Variants in EFEMP1 observed in about 807,000 individuals in gnomAD.
EFEMP1 encodes the protein EGF-containing fibulin-like extracellular matrix protein 1.
In EFEMP1, 18 loss-of-function variants were observed where a neutral mutation model predicts 65.7. The observed-to-expected ratio is 0.27, with a 90% CI of 0.19 to 0.41. The LOEUF (loss-of-function observed/expected upper bound fraction) is 0.41. EFEMP1 is among the 10% of genes least tolerant of loss of function. EFEMP1 has a pLI of 1.00. For missense variants in EFEMP1, 469 were observed against 624.8 expected, an observed-to-expected ratio of 0.75 and a Z score of 2.66; for synonymous variants, 237 against 219.7, an observed-to-expected ratio of 1.08 and a Z score of -0.70.
intron 5 of EFEMP1, among the ~76,000 whole-genome samples, chr2:55,898,651 G>A (rs1669922508): frequency 6.6e-6 from 1 of 152,042 alleles, no homozygotes; most frequent in African/African-American, 2.4e-5. Flanking sequence ...TCCTACACCT[G>A]TCTGGAGATA....
chr2:55,882,161 T>C (rs1669265943), intron 5 of EFEMP1, among the ~76,000 whole-genome samples: 1 of 152,224 alleles, frequency 6.6e-6, no homozygotes. Flanking sequence ...TTTTAATAGA[T>C]TGTATGATAC....
chr2:55,907,752 C>T (rs1670335337), intron 5 of EFEMP1, among the ~76,000 whole-genome samples: 1 of 152,126 alleles, frequency 6.6e-6, no homozygotes, highest in Non-Finnish European at 1.5e-5. Flanking sequence ...AGTTGTTTCC[C>T]ACTTTGGATT....
chr2:55,905,675 C>T (rs913728215), intron 5 of EFEMP1, among the ~76,000 whole-genome samples: 1 of 152,120 alleles, frequency 6.6e-6, no homozygotes, highest in Non-Finnish European at 1.5e-5. Context: ...TCTGGAACTC[C>T]CGACCTCAGG....
chr2:55,898,231 A>C (rs1167984487), intron 5 of EFEMP1, among the ~76,000 whole-genome samples: 1 of 152,136 alleles, frequency 6.6e-6, no homozygotes, highest in Admixed American at 6.5e-5. Flanking sequence ...CATCTTGTTA[A>C]TTTGTAATTG....
intron 5 of EFEMP1, among the ~76,000 whole-genome samples, chr2:55,905,934 C>T (rs1558482077): frequency 1.3e-5 from 2 of 152,166 alleles, no homozygotes. Context: ...CATGCTTACA[C>T]AATCCATTTT....
rs979309877 is a variant in EFEMP1 at position 55,883,646 on chromosome 2, T to G, written c.518-1912A>C. ...TCAGCAGTGACTGAGGCTTTTCTTT[T>G]TGACATCTATCTGCAAACTGCCTCC... is the stretch of plus-strand genomic sequence containing the variant. On this transcript the variant is annotated intron_variant, in intron 5 of 11. Transcript: ENST00000355426. The surrounding 1 kb of genome is among the most constrained non-coding windows in gnomAD (Gnocchi z 4.5). Among the ~76,000 whole-genome samples, 2 of 152,190 alleles carry G rather than the reference T, an allele frequency of 1.3e-5. No homozygotes were observed. Among genetic ancestry groups the G allele is most frequent in the Non-Finnish European group, 2.9e-5 (2 of 68,034 alleles).
At chr2:55,906,612 T>C (rs1327393354) in intron 5 of EFEMP1, among the ~76,000 whole-genome samples, 1 of 151,240 alleles carries the variant, frequency 6.6e-6, no homozygotes, top group Non-Finnish European at 1.5e-5. Flanking sequence ...TTCCAGGACA[T>C]GAACTGTTTT....
rs1435317398 is a variant in EFEMP1, at chr2:55,886,932, G to A, written c.518-5198C>T. On this transcript the variant is annotated intron_variant, in intron 5 of 11. Coordinates refer to ENST00000355426, the MANE Select transcript of EFEMP1 (RefSeq NM_001039348.3). The surrounding 1 kb of genome is among the most constrained non-coding windows in gnomAD (Gnocchi z 4.0). ...ATTAATATAATAAATTATGTAGATT[G>A]AAATCTGATTTAGAAAAAAGTATAT... Among the ~76,000 whole-genome samples, 1 of 151,986 alleles carries A rather than the reference G, an allele frequency of 6.6e-6. No homozygotes were observed. Among genetic ancestry groups the A allele is most frequent in the Admixed American group, 6.6e-5 (1 of 15,260 alleles).
chr2:55,874,399 G>C (rs1426694917), intron 9 of EFEMP1, among the ~76,000 whole-genome samples: 1 of 151,558 alleles, frequency 6.6e-6, no homozygotes, highest in Non-Finnish European at 1.5e-5. Context: ...GTATAGGTGT[G>C]AAGATCATCT....
At chr2:55,907,278 C>G (rs936296392) in intron 5 of EFEMP1, among the ~76,000 whole-genome samples, 1 of 152,144 alleles carries the variant, frequency 6.6e-6, no homozygotes, top group African/African-American at 2.4e-5. Context: ...TAGGCATGTA[C>G]TTGAATAGGT....
At chr2:55,902,626 A>C (rs1476116812) in intron 5 of EFEMP1, among the ~76,000 whole-genome samples, 1 of 152,226 alleles carries the variant, frequency 6.6e-6, no homozygotes, top group Non-Finnish European at 1.5e-5. Flanking sequence ...TCTAGCTTTT[A>C]AAGCTTCAGT....
At chr2:55,879,105 C>G (rs1015241008) in intron 6 of EFEMP1, among the ~76,000 whole-genome samples, 1 of 152,098 alleles carries the variant, frequency 6.6e-6, no homozygotes, top group Non-Finnish European at 1.5e-5. Flanking sequence ...TCTTTGTAGT[C>G]CTTAACAGTA....
At chr2:55,875,144 A>AG in intron 8 of EFEMP1, 79 bp from the exon 9 acceptor site, 5 of 482,298 alleles carry the variant, frequency 1.0e-5, no homozygotes, top group Non-Finnish European at 1.5e-5. Flanking sequence ...ATATATATAA[A>AG]TTATATATAT....
In EFEMP1 at chr2:55,870,887, T is replaced by C; in HGVS notation, c.1153A>G (p.Met385Val). ...NRCVCPVSNA[M>V]CRELPQSIVY... Reference sequence around the variant, plus strand: ...ATTGACTGGGGCAGTTCTCGGCACATGGCATTTGAGACTGGGCAAACACAT... The same window carrying C: ...ATTGACTGGGGCAGTTCTCGGCACACGGCATTTGAGACTGGGCAAACACAT... The change falls in exon 11 of 12, where the codon ATG (methionine) becomes GTG (valine). Residue 385 changes from methionine (M) to valine (V), a missense_variant. Coordinates refer to ENST00000355426, the MANE Select transcript of EFEMP1 (RefSeq NM_001039348.3). The surrounding 1 kb of genome is among the most constrained non-coding windows in gnomAD (Gnocchi z 5.8). 3 of 1,613,770 alleles carry C rather than the reference T, an allele frequency of 1.9e-6. No homozygotes were observed. The highest frequency in any genetic ancestry group is 1.7e-6 in the Non-Finnish European group (2 of 1,179,798).
rs987713032 is a variant in EFEMP1 at position 55,873,850 on chromosome 2, G to T, written c.1000+1096C>A. ...ATGATATAGACTGAGAATCCCCAGT[G>T]TCTCCTTTCCTTGATCTTTCTTTTC... On this transcript the variant is annotated intron_variant, in intron 9 of 11. Transcript: ENST00000355426. This position sits in a 1 kb window ranked among gnomAD's most constrained non-coding sequence, Gnocchi z 4.6. 1.3e-5 allele frequency among the ~76,000 whole-genome samples: 2 copies of T among 151,936 alleles called. No individual in the cohort carries two copies. Among genetic ancestry groups the T allele is most frequent in the Non-Finnish European group, 2.9e-5 (2 of 67,928 alleles).
intron 5 of EFEMP1, among the ~76,000 whole-genome samples, chr2:55,916,981 A>G (rs1670714418): frequency 6.6e-6 from 1 of 152,244 alleles, no homozygotes; most frequent in Non-Finnish European, 1.5e-5. Flanking sequence ...TGCAAGTGAT[A>G]TAAGTGAAAC....
intron 6 of EFEMP1, among the ~76,000 whole-genome samples, chr2:55,878,317 A>G (rs933463371): frequency 6.6e-6 from 1 of 152,178 alleles, no homozygotes; most frequent in African/African-American, 2.4e-5. Context: ...TTCTTCTATA[A>G]GATGTGGATA....
rs577084310 is a variant in EFEMP1 at position 55,885,129 on chromosome 2, G to T, written c.518-3395C>A. The stretch of plus-strand genomic sequence containing the variant: ...AGCAAGTGAGTCCAGGAGTGCAGAG[G>T]CTATGAGGTATAAAGCAGATTCGCC... On this transcript the variant is annotated intron_variant, in intron 5 of 11. Coordinates refer to ENST00000355426, the MANE Select transcript of EFEMP1 (RefSeq NM_001039348.3). This position sits in a 1 kb window ranked among gnomAD's most constrained non-coding sequence, Gnocchi z 4.3. Among the ~76,000 whole-genome samples, 103 of 152,288 alleles carry T rather than the reference G, an allele frequency of 6.8e-4. No individual in the cohort carries two copies. The highest frequency in any genetic ancestry group is 6.8e-3 in the Middle Eastern group (2 of 294).
Position 55,917,522 on chromosome 2 carries a change from T to C in EFEMP1, c.517+143A>G, listed in dbSNP as rs1670740694. 2 of 1,082,078 alleles carry C rather than the reference T, an allele frequency of 1.8e-6. No homozygotes were observed. Among genetic ancestry groups the C allele is most frequent in the African/African-American group, 3.1e-5 (2 of 64,484 alleles). The allele number at this position is 1,082,078 out of a possible 1,614,324, so 67.0% of individuals were successfully genotyped here. Reference sequence around the variant, plus strand: ...CTACAGCAACTACCCTTTAGGAATATTGTGATGATTAAATATAATGCAGAC... The same window carrying C: ...CTACAGCAACTACCCTTTAGGAATACTGTGATGATTAAATATAATGCAGAC... On this transcript the variant is annotated intron_variant, in intron 5 of 11. Coordinates refer to ENST00000355426, the MANE Select transcript of EFEMP1 (RefSeq NM_001039348.3). The surrounding 1 kb of genome is among the most constrained non-coding windows in gnomAD (Gnocchi z 6.3).
Sources: gnomAD v4.1 joint callset for allele counts (sites outside exome capture counted in the v4.1 genomes callset) on GRCh38, gnomAD v4.1.1 for gene constraint, Gnocchi (gnomAD v3.1) non-coding constraint, MANE v1.5 for transcripts, NCBI Gene and HGNC (gene_info 2026-07-23, HGNC 2026-07-21) for gene names.